AMDHD2: variants seen among roughly 807,000 people sequenced by gnomAD.
AMDHD2 encodes amidohydrolase domain containing 2.
Under a neutral mutation model 41.8 loss-of-function variants are expected in AMDHD2, and 24 were observed. The ratio of observed to expected loss-of-function variants is 0.57; its 90% CI spans 0.42 to 0.81. AMDHD2 has a LOEUF of 0.81. Ranked by LOEUF, AMDHD2 falls within the 30% of genes least tolerant of loss-of-function variation. The pLI, the probability that AMDHD2 is intolerant of heterozygous loss-of-function variation, is 0.00. For missense variants in AMDHD2, 540 were observed against 588.5 expected (o/e 0.92, Z 0.85); for synonymous variants, 332 against 255.5 (o/e 1.30, Z -2.85).
At chr16:2,521,959 T>C (rs1304280957) in intron 3 of AMDHD2, among the ~76,000 whole-genome samples, 1 of 152,056 alleles carries the variant, frequency 6.6e-6, no homozygotes, top group Non-Finnish European at 1.5e-5. Context: ...TAATTTTTTG[T>C]ATTTTTCGTA....
intron 3 of AMDHD2, among the ~76,000 whole-genome samples, chr16:2,522,844 CTTT>C (rs77502200): frequency 1.5e-5 from 2 of 135,064 alleles, no homozygotes; most frequent in Non-Finnish European, 1.6e-5. Flanking sequence ...TAGTACTTAA[CTTT>C]TTTTTTTTTT....
chr16:2,527,277 C>T lies in AMDHD2; in HGVS notation c.361-284C>T. Reference sequence around the variant, plus strand: ...AGGAGCCTCCTGCCTCCCAGCCCTGCTCCCTGGGCTGCTGTGCCCAGGGCC... The same window carrying T: ...AGGAGCCTCCTGCCTCCCAGCCCTGTTCCCTGGGCTGCTGTGCCCAGGGCC... On this transcript the variant is annotated intron_variant, in intron 3 of 10. Transcript: ENST00000293971. This position sits in a 1 kb window ranked among gnomAD's most constrained non-coding sequence, Gnocchi z 6.1. 1.9e-6 allele frequency: 1 copy of T among 529,696 alleles called. No individual in the cohort carries two copies. 32.8% of individuals were successfully genotyped at this position (529,696 alleles called of 1,614,324 possible). A position where few individuals can be genotyped will look rare whatever the true frequency, so the allele number is the denominator to read the frequency against.
At chr16:2,526,612 C>G (rs1039165804) in intron 3 of AMDHD2, among the ~76,000 whole-genome samples, 7 of 151,970 alleles carry the variant, frequency 4.6e-5, no homozygotes, top group East Asian at 1.9e-4. Context: ...TGCTACCCCC[C>G]CAACCCCGCC....
chr16:2,521,330 C>T (rs8061102), intron 3 of AMDHD2, among the ~76,000 whole-genome samples: 2,946 of 152,126 alleles, frequency 0.019, 98 homozygotes, highest in African/African-American at 0.067. Flanking sequence ...GACCCTCTGT[C>T]CTCCGCAGCT....
chr16:2,525,694 G>A (rs1287282444), intron 3 of AMDHD2, among the ~76,000 whole-genome samples: 1 of 152,114 alleles, frequency 6.6e-6, no homozygotes, highest in African/African-American at 2.4e-5. Flanking sequence ...ACAGGTGCTC[G>A]CCACCACGCA....
chr16:2,521,230 C>G, intron 3 of AMDHD2, 107 bp downstream of exon 3: 2 of 1,360,460 alleles, frequency 1.5e-6, no homozygotes, highest in Non-Finnish European at 1.9e-6. Flanking sequence ...ATTCCATGGT[C>G]CTGAGTCTGG....
intron 3 of AMDHD2, among the ~76,000 whole-genome samples, chr16:2,523,934 C>T (rs971761557): frequency 3.9e-5 from 6 of 152,256 alleles, no homozygotes; most frequent in Non-Finnish European, 8.8e-5. Flanking sequence ...CTGCGCATCT[C>T]TGGCCAGCAC....
In AMDHD2 at chr16:2,523,712, C is replaced by CAGAGCCACCTGTCCA. The variant is rs2065969796; in HGVS notation, c.360+2593_360+2607dup. 2.0e-5 allele frequency among the ~76,000 whole-genome samples: 3 copies of CAGAGCCACCTGTCCA among 152,304 alleles called. No homozygotes were observed. The South Asian group carries it at 6.2e-4, about 32-fold the overall frequency. ...TGCTCTCTGGGGCTCTGGGGCCTGT[C>CAGAGCCACCTGTCCA]AGAGCCACCTGTCCAAGATTCAGGA... On this transcript the variant is annotated intron_variant, in intron 3 of 10. Coordinates refer to ENST00000293971, the MANE Select transcript of AMDHD2 (RefSeq NM_001330449.2).
chr16:2,529,243 G>A, intron 10 of AMDHD2, 148 bp downstream of exon 10: 1 of 1,045,210 alleles, frequency 9.6e-7, no homozygotes, highest in Non-Finnish European at 1.3e-6. Flanking sequence ...CTCAGTTGTA[G>A]CCCCGTGTTG....
chr16:2,530,666 T>C lies in AMDHD2; in HGVS notation c.*1103T>C. 1 of 1,614,152 alleles carries C rather than the reference T, an allele frequency of 6.2e-7. No individual in the cohort carries two copies. Among genetic ancestry groups the C allele is most frequent in the Admixed American group, 1.7e-5 (1 of 60,032 alleles). ...GCTGCAAAGCCCAGTTAAGGAAATG[T>C]CTCCAGGTCCAAAGAGATAGGATGG... is the stretch of plus-strand genomic sequence containing the variant. On this transcript the variant is annotated 3_prime_UTR_variant, in exon 11 of 11. Coordinates refer to ENST00000293971, the MANE Select transcript of AMDHD2 (RefSeq NM_001330449.2).
rs771103045 is a variant in AMDHD2 at position 2,527,965 on chromosome 16, G to A, written c.608G>A (p.Arg203His). 5 of 1,603,804 alleles carry A rather than the reference G, an allele frequency of 3.1e-6. No homozygotes were observed. Among genetic ancestry groups the A allele is most frequent in the East Asian group, 2.2e-5 (1 of 44,828 alleles). Reference sequence around the variant, plus strand: ...GAAGTGATCCGGGCGCTGACGGCCCGTGGCATCTGCGTGTCCCTAGGTGAG... The same window carrying A: ...GAAGTGATCCGGGCGCTGACGGCCCATGGCATCTGCGTGTCCCTAGGTGAG... ...SHEVIRALTA[R>H]GICVSLGHSV... The change falls in exon 5 of 11, where the codon CGT (arginine) becomes CAT (histidine). Residue 203 changes from arginine to histidine, a missense_variant. By Grantham distance (29) the Arg-to-His change is conservative. Coordinates refer to ENST00000293971, the MANE Select transcript of AMDHD2 (RefSeq NM_001330449.2). The surrounding 1 kb of genome is among the most constrained non-coding windows in gnomAD (Gnocchi z 6.1).
Position 2,530,393 on chromosome 16 carries a change from G to C in AMDHD2, c.*830G>C. On this transcript the variant is annotated 3_prime_UTR_variant, in exon 11 of 11. Transcript: ENST00000293971. ...CTTGGCCCTGGCACACACCCATGTG[G>C]CAAACACGGGCCGTGAGGCTCCCTG... The C allele has an allele frequency of 6.2e-7, 1 of 1,614,200 alleles. No homozygotes were observed. Among genetic ancestry groups the C allele is most frequent in the Non-Finnish European group, 8.5e-7 (1 of 1,180,024 alleles).
chr16:2,529,317 C>T (rs1233448370), intron 10 of AMDHD2, 158 bp from the exon 11 acceptor site: 1 of 1,254,702 alleles, frequency 8.0e-7, no homozygotes, highest in Non-Finnish European at 1.1e-6. Flanking sequence ...GGAGCATTGT[C>T]CAGTACCTCT....
chr16:2,523,225 C>T (rs775496133), intron 3 of AMDHD2, among the ~76,000 whole-genome samples: 4 of 152,182 alleles, frequency 2.6e-5, no homozygotes, highest in Non-Finnish European at 4.4e-5. Context: ...ACCCTGTTAA[C>T]AGTACTTTAA....
chr16:2,520,522 C>A lies in AMDHD2; in HGVS notation c.64C>A (p.Arg22Ser), dbSNP rs1296147161. ...VLQFTNCRILRGGKLLREDLW... is the reference protein window; with the variant it reads ...VLQFTNCRILSGGKLLREDLW... ...CCAGTTCACTAACTGCCGGATCCTG[C>A]GCGGAGGGAAACTGCTCAGGTGGGC... Residue 22 changes from arginine to serine, a missense_variant, in exon 1 of 11, where the codon CGC (arginine) becomes AGC (serine). Transcript: ENST00000293971. The A allele has an allele frequency of 1.6e-6, 2 of 1,220,394 alleles. No individual in the cohort carries two copies. The highest frequency in any genetic ancestry group is 2.1e-6 in the Non-Finnish European group (2 of 973,316). The allele number at this position is 1,220,394 out of a possible 1,614,324, so 75.6% of individuals were successfully genotyped here.
At position 2,520,675 on chromosome 16, in the gene AMDHD2, G is replaced by T. The variant is rs2065922087; in HGVS notation, c.84-94G>T. The stretch of plus-strand genomic sequence containing the variant: ...AGGGTGCGGGGCCGGGGACCGGGCG[G>T]GGTGCAGGGTGCGGGGCCGGGGACC... On this transcript the variant is annotated intron_variant, in intron 1 of 10. Transcript: ENST00000293971. The T allele has an allele frequency of 5.2e-6, 7 of 1,336,642 alleles. No homozygotes were observed. The East Asian group carries it at 2.1e-4, about 41-fold the overall frequency. The allele number at this position is 1,336,642 out of a possible 1,614,324, so 82.8% of individuals were successfully genotyped here. A position where few individuals can be genotyped will look rare whatever the true frequency, so the allele number is the denominator to read the frequency against.
chr16:2,527,734 G>T lies in AMDHD2; in HGVS notation c.416-39G>T. 1.9e-6 allele frequency: 3 copies of T among 1,551,430 alleles called. No individual in the cohort carries two copies. Among genetic ancestry groups the T allele is most frequent in the Non-Finnish European group, 2.6e-6 (3 of 1,150,720 alleles). On this transcript the variant is annotated intron_variant, in intron 4 of 10. Coordinates refer to ENST00000293971, the MANE Select transcript of AMDHD2 (RefSeq NM_001330449.2). The surrounding 1 kb of genome is among the most constrained non-coding windows in gnomAD (Gnocchi z 6.1). ...AGGGCAGGTGATAAGGGCTGGGTGG[G>T]GCAGGGACCTGCTGGAGCCACTTGC... is the stretch of plus-strand genomic sequence containing the variant.
At chr16:2,526,082 G>C (rs2066000216) in intron 3 of AMDHD2, among the ~76,000 whole-genome samples, 1 of 152,280 alleles carries the variant, frequency 6.6e-6, no homozygotes, top group South Asian at 2.1e-4. Flanking sequence ...ATCTCTCCTC[G>C]TGGTCTCTGC....
At position 2,531,352 on chromosome 16, in the gene AMDHD2, CTTGG is replaced by C. The variant is rs1038125985; in HGVS notation, c.*1796_*1799del. The C allele has an allele frequency of 3.5e-5, 18 of 513,958 alleles. No homozygotes were observed. The highest frequency in any genetic ancestry group is 1.9e-4 in the African/African-American group (10 of 52,670). 31.8% of individuals were successfully genotyped at this position (513,958 alleles called of 1,614,324 possible). On this transcript the variant is annotated 3_prime_UTR_variant, in exon 11 of 11. Coordinates refer to ENST00000293971, the MANE Select transcript of AMDHD2 (RefSeq NM_001330449.2). The stretch of plus-strand genomic sequence containing the variant: ...GATTTTGAGGTGTGGGGGAAGCACT[CTTGG>C]TTGGTTTTGGTTTGCTTTTTAAAAA...
Sources: gnomAD v4.1 joint callset for allele counts (sites outside exome capture counted in the v4.1 genomes callset) on GRCh38, gnomAD v4.1.1 for gene constraint, Gnocchi (gnomAD v3.1) non-coding constraint, MANE v1.5 for transcripts, NCBI Gene and HGNC (gene_info 2026-07-23, HGNC 2026-07-21) for gene names.